NUB1: variants seen among roughly 807,000 people sequenced by gnomAD.
NUB1 encodes the protein negative regulator of ubiquitin like proteins 1, also known as NEDD8 ultimate buster 1.
A neutral mutation model predicts 77.1 loss-of-function variants in NUB1; 41 were observed. The observed-to-expected ratio is 0.53, with a 90% CI of 0.41 to 0.69. NUB1 has a LOEUF of 0.69. NUB1 is among the 30% of genes least tolerant of loss of function. NUB1 has a pLI of 0.00. For missense variants in NUB1, 643 were observed against 743.8 expected (o/e 0.86, Z 1.58); for synonymous variants, 257 against 281.0 (o/e 0.91, Z 0.85).
chr7:151,345,465 A>C lies in NUB1; in HGVS notation c.116A>C (p.Lys39Thr). 1.3e-6 allele frequency: 2 copies of C among 1,517,466 alleles called. No individual in the cohort carries two copies. The allele number at this position is 1,517,466 out of a possible 1,614,324, so 94.0% of individuals were successfully genotyped here. Residue 39 changes from lysine (K) to threonine (T), a missense_variant and splice_region_variant, in exon 2 of 15, where the codon AAG (lysine) becomes ACG (threonine). Coordinates refer to ENST00000568733, the MANE Select transcript of NUB1 (RefSeq NM_001243351.2). The stretch of plus-strand genomic sequence containing the variant: ...AATAAAAAAGTTGGTTTGGCATTAA[A>C]GGTATTTTTCTTTTAAGACATCAAT... ...DENKKVGLAL[K>T]DLAKQYSDRL... is the part of the protein sequence containing the mutation.
At position 151,377,487 on chromosome 7, in the gene NUB1, T is replaced by C; in HGVS notation, c.*262T>C. 1 of 272,454 alleles carries C rather than the reference T, an allele frequency of 3.7e-6. No individual in the cohort carries two copies. The allele number at this position is 272,454 out of a possible 1,614,324, so 16.9% of individuals were successfully genotyped here. A position where few individuals can be genotyped will look rare whatever the true frequency, so the allele number is the denominator to read the frequency against. On this transcript the variant is annotated 3_prime_UTR_variant, in exon 15 of 15. Transcript: ENST00000568733. Reference sequence around the variant, plus strand: ...CTAACCCCTTCCCCAGCTTGGTGTTTTACCCCGAAACAGGAAGGAACAGGG... The same window carrying C: ...CTAACCCCTTCCCCAGCTTGGTGTTCTACCCCGAAACAGGAAGGAACAGGG...
At chr7:151,345,974 T>C (rs1216728934) in intron 2 of NUB1, among the ~76,000 whole-genome samples, 1 of 152,228 alleles carries the variant, frequency 6.6e-6, no homozygotes, top group Non-Finnish European at 1.5e-5. Flanking sequence ...TGTATGTAAG[T>C]GATGTTTCTA....
At position 151,363,387 on chromosome 7, in the gene NUB1, A is replaced by G. The variant is rs1467172902; in HGVS notation, c.800+3140A>G. ...GGATGAACTGCAGAATAGACACTAT[A>G]GAAGAGAAGATTAGTTAAATGTTAC... On this transcript the variant is annotated intron_variant, in intron 8 of 14. Coordinates refer to ENST00000568733, the MANE Select transcript of NUB1 (RefSeq NM_001243351.2). Among the ~76,000 whole-genome samples the G allele has an allele frequency of 2.6e-5, 4 of 152,266 alleles. No homozygotes were observed. The East Asian group carries it at 7.7e-4, about 29-fold the overall frequency.
At chr7:151,355,443 G>A (rs971599352) in intron 5 of NUB1, among the ~76,000 whole-genome samples, 1 of 152,224 alleles carries the variant, frequency 6.6e-6, no homozygotes, top group African/African-American at 2.4e-5. Flanking sequence ...TGAGGCTGAG[G>A]TGGGAGGATC....
intron 1 of NUB1, among the ~76,000 whole-genome samples, chr7:151,344,112 C>T (rs1310335621): frequency 2.2e-4 from 27 of 122,200 alleles, no homozygotes; most frequent in South Asian, 9.1e-4. Context: ...ACCCGGGAGG[C>T]GGAGCTTGCA....
In NUB1 at chr7:151,378,092, C is replaced by T. The variant is rs183968092; in HGVS notation, c.*867C>T. On this transcript the variant is annotated 3_prime_UTR_variant, in exon 15 of 15. Transcript: ENST00000568733. The stretch of plus-strand genomic sequence containing the variant: ...TCTTTGTTGTTGTTGTTGTTCTAGC[C>T]ATGTGACAGAGGCTCTTTCTAAAAG... 2.6e-5 allele frequency: 4 copies of T among 152,308 alleles called. No homozygotes were observed. In the East Asian group the frequency reaches 5.8e-4, roughly 22 times the overall value. The allele number at this position is 152,308 out of a possible 1,614,324, so 9.4% of individuals were successfully genotyped here.
At chr7:151,367,511 A>C (rs1346767782) in intron 9 of NUB1, among the ~76,000 whole-genome samples, 1 of 152,168 alleles carries the variant, frequency 6.6e-6, no homozygotes, top group East Asian at 1.9e-4. Flanking sequence ...TGGCTCGAGT[A>C]AGGATTTTTC....
At position 151,377,103 on chromosome 7, in the gene NUB1, C is replaced by T. The variant is rs373447261; in HGVS notation, c.1726C>T (p.Leu576=). The T allele has an allele frequency of 6.8e-4, 1,076 of 1,583,506 alleles. 1 individual carries two copies. The highest frequency in any genetic ancestry group is 8.7e-4 in the Non-Finnish European group (1,018 of 1,164,772). The change falls in exon 15 of 15, where the codon CTG becomes TTG. Residue 576 remains leucine (L), a synonymous_variant. Transcript: ENST00000568733. ...DMETEAVNEI[L]EDIPEHEEDY... ...GGAGACAGAGGCCGTCAATGAGATA[C>T]TGGAAGACATTCCAGAGCATGAGGA...
chr7:151,367,905 A>G lies in NUB1; in HGVS notation c.1032A>G (p.Leu344=). 6.2e-7 allele frequency: 1 copy of G among 1,602,448 alleles called. No individual in the cohort carries two copies. The highest frequency in any genetic ancestry group is 8.5e-7 in the Non-Finnish European group (1 of 1,173,662). Residue 344 remains leucine (L), a synonymous_variant, in exon 10 of 15, where the codon TTA becomes TTG. Coordinates refer to ENST00000568733, the MANE Select transcript of NUB1 (RefSeq NM_001243351.2). ...AGGTACTGTTTCTAAGACTCTACTT[A>G]CTTCAAGGGATCCGAAACTATCACA... The part of the protein sequence containing the change: ...KEKVLFLRLY[L]LQGIRNYHSG...
chr7:151,345,751 G>C (rs1334638927), intron 2 of NUB1, among the ~76,000 whole-genome samples: 1 of 152,196 alleles, frequency 6.6e-6, no homozygotes, highest in Non-Finnish European at 1.5e-5. Flanking sequence ...TAGTGGAACA[G>C]TATTGGTGCC....
chr7:151,347,857 G>T (rs1416149203), intron 2 of NUB1, among the ~76,000 whole-genome samples: 1 of 152,104 alleles, frequency 6.6e-6, no homozygotes, highest in Non-Finnish European at 1.5e-5. Context: ...GTACTACATG[G>T]TATTACATTA....
chr7:151,359,670 G>A (rs117938037), intron 7 of NUB1, among the ~76,000 whole-genome samples: 5,665 of 151,972 alleles, frequency 0.037, 143 homozygotes, highest in South Asian at 0.11. Flanking sequence ...CTAGCTGCTC[G>A]GCAGGCTGAG....
Position 151,375,859 on chromosome 7 carries a change from C to A in NUB1, c.1407C>A (p.Ser469Arg). ...CCTGTGTGTTTTAGATTCTGCTCAG[C>A]AATCCTCAGATGTGGTGGTTAAATG... ...NLDEALKILL[S>R]NPQMWWLNDS... Residue 469 changes from serine to arginine, a missense_variant, in exon 13 of 15, where the codon AGC (serine) becomes AGA (arginine). By Grantham distance (110) the Ser-to-Arg change is moderately radical. Coordinates refer to ENST00000568733, the MANE Select transcript of NUB1 (RefSeq NM_001243351.2). 6.2e-7 allele frequency: 1 copy of A among 1,609,604 alleles called. No homozygotes were observed. The highest frequency in any genetic ancestry group is 8.5e-7 in the Non-Finnish European group (1 of 1,175,902).
intron 8 of NUB1, among the ~76,000 whole-genome samples, chr7:151,366,143 G>A (rs1797668735): frequency 2.6e-5 from 4 of 152,136 alleles, no homozygotes. Flanking sequence ...CTTTGTCAGT[G>A]CTCCTCCTGG....
intron 2 of NUB1, among the ~76,000 whole-genome samples, chr7:151,348,562 CTTTTTGCTTTTTT>C (rs1186936997): frequency 1.2e-5 from 1 of 81,624 alleles, no homozygotes; most frequent in African/African-American, 4.2e-5. Flanking sequence ...TTGTTTTTTG[CTTTTTGCTTTTTT>C]TTTTTTTTTT....
intron 11 of NUB1, among the ~76,000 whole-genome samples, chr7:151,372,841 C>A (rs896507555): frequency 1.3e-5 from 2 of 152,042 alleles, no homozygotes; most frequent in African/African-American, 4.8e-5. Flanking sequence ...GTAATGGGGG[C>A]ATGAGACAGG....
intron 7 of NUB1, among the ~76,000 whole-genome samples, chr7:151,359,397 C>T (rs567124347): frequency 6.7e-6 from 1 of 150,298 alleles, no homozygotes; most frequent in Non-Finnish European, 1.5e-5. Context: ...GAGTCGAGAT[C>T]GCGCCACTGC....
chr7:151,360,352 G>T, intron 8 of NUB1, 105 bp downstream of exon 8: 1 of 590,756 alleles, frequency 1.7e-6, no homozygotes, highest in South Asian at 2.4e-5. Context: ...ATCTACAACA[G>T]TGGTTAATGT....
chr7:151,374,047 G>A (rs1335998878), intron 11 of NUB1, 50 bp from the exon 12 acceptor site: 4 of 1,513,674 alleles, frequency 2.6e-6, no homozygotes, highest in South Asian at 1.3e-5. Flanking sequence ...CTGAGAGGCT[G>A]TGAAATCTCA....
Sources: gnomAD v4.1 joint callset for allele counts (sites outside exome capture counted in the v4.1 genomes callset) on GRCh38, gnomAD v4.1.1 for gene constraint, MANE v1.5 for transcripts, NCBI Gene and HGNC (gene_info 2026-07-23, HGNC 2026-07-21) for gene names.